NKAIN2: variants seen among roughly 807,000 people sequenced by gnomAD.
The protein encoded by NKAIN2 is sodium/potassium-transporting ATPase subunit beta-1-interacting protein 2.
Under a neutral mutation model 32.6 loss-of-function variants are expected in NKAIN2, and 14 were observed. The ratio of observed to expected loss-of-function variants is 0.43; its 90% confidence interval spans 0.28 to 0.67. The LOEUF is 0.67. NKAIN2 is among the 30% of genes least tolerant of loss of function. The probability of loss-of-function intolerance (pLI) is 0.17; values close to 1 mark genes in which losing one functional copy is unlikely to be tolerated. For missense variants in NKAIN2, 198 were observed against 258.3 expected (o/e 0.77, Z 1.60); for synonymous variants, 80 against 87.2 (o/e 0.92, Z 0.46).
At chr6:124,320,726 T>C (rs535301773) in intron 2 of NKAIN2, among the ~76,000 whole-genome samples, 5 of 152,356 alleles carry the variant, frequency 3.3e-5, no homozygotes, top group South Asian at 2.1e-4. Flanking sequence ...CCTTTTGATT[T>C]AAAATGTTTC....
chr6:124,732,615 A>G (rs867026313), intron 4 of NKAIN2, among the ~76,000 whole-genome samples: 2 of 152,054 alleles, frequency 1.3e-5, no homozygotes, highest in South Asian at 2.1e-4. Context: ...AATAACTCAA[A>G]TAAGTACAAA....
At chr6:124,371,197 A>G (rs1453791086) in intron 3 of NKAIN2, among the ~76,000 whole-genome samples, 1 of 152,168 alleles carries the variant, frequency 6.6e-6, no homozygotes, top group Non-Finnish European at 1.5e-5. Flanking sequence ...TAAAGCTAGA[A>G]GCATAGTTTT....
At chr6:124,113,204 A>G (rs1359643110) in intron 1 of NKAIN2, among the ~76,000 whole-genome samples, 3 of 152,048 alleles carry the variant, frequency 2.0e-5, no homozygotes, top group African/African-American at 4.8e-5. Context: ...GGTGGCCTCT[A>G]TCAACTCTTT....
chr6:123,941,247 G>T (rs1278755948), intron 1 of NKAIN2, among the ~76,000 whole-genome samples: 1 of 151,702 alleles, frequency 6.6e-6, no homozygotes, highest in Non-Finnish European at 1.5e-5. Context: ...CTTCCTGAAG[G>T]ACTGCTTGAT....
chr6:124,531,639 C>A (rs1482078677), intron 3 of NKAIN2, among the ~76,000 whole-genome samples: 2 of 152,212 alleles, frequency 1.3e-5, no homozygotes, highest in South Asian at 2.1e-4. Flanking sequence ...GGGAGATAGG[C>A]AGTGAATATT....
At chr6:124,729,309 A>G (rs1387142334) in intron 4 of NKAIN2, among the ~76,000 whole-genome samples, 3 of 150,280 alleles carry the variant, frequency 2.0e-5, no homozygotes, top group Non-Finnish European at 4.5e-5. Context: ...AAAATCCTCA[A>G]TAAAATACTG....
At chr6:124,105,710 A>G (rs1785085263) in intron 1 of NKAIN2, among the ~76,000 whole-genome samples, 1 of 152,204 alleles carries the variant, frequency 6.6e-6, no homozygotes, top group South Asian at 2.1e-4. Context: ...CAATTACATC[A>G]AGCATTATTT....
intron 2 of NKAIN2, among the ~76,000 whole-genome samples, chr6:124,310,660 C>T (rs1034076856): frequency 2.0e-5 from 3 of 152,012 alleles, no homozygotes; most frequent in Non-Finnish European, 2.9e-5. Flanking sequence ...AACTGAAAGC[C>T]GAAAGTAGCT....
At chr6:123,908,753 T>G (rs1436451557) in intron 1 of NKAIN2, among the ~76,000 whole-genome samples, 1 of 152,228 alleles carries the variant, frequency 6.6e-6, no homozygotes, top group East Asian at 1.9e-4. Context: ...GATTAGCGTT[T>G]TTAAATTTTT....
chr6:124,782,783 G>A (rs1345046627), intron 4 of NKAIN2, among the ~76,000 whole-genome samples: 1 of 151,996 alleles, frequency 6.6e-6, no homozygotes, highest in East Asian at 1.9e-4. Context: ...ACATTTTACA[G>A]AACATTTAAA....
intron 1 of NKAIN2, among the ~76,000 whole-genome samples, chr6:124,248,472 A>G (rs1241695092): frequency 6.6e-6 from 1 of 152,044 alleles, no homozygotes; most frequent in African/African-American, 2.4e-5. Context: ...TTGCTCATAT[A>G]CTTCAAAAGT....
chr6:123,808,377 T>C (rs978236370), intron 1 of NKAIN2, among the ~76,000 whole-genome samples: 2 of 152,220 alleles, frequency 1.3e-5, no homozygotes, highest in Admixed American at 6.5e-5. Flanking sequence ...AAACTTATCA[T>C]GTAAAAATAT....
At chr6:124,727,726 A>T (rs1264358269) in intron 4 of NKAIN2, among the ~76,000 whole-genome samples, 1 of 148,572 alleles carries the variant, frequency 6.7e-6, no homozygotes, top group Non-Finnish European at 1.5e-5. Flanking sequence ...TTAAATGTAA[A>T]TGGGCTAAAT....
At chr6:124,443,336 A>T (rs1775768030) in intron 3 of NKAIN2, among the ~76,000 whole-genome samples, 1 of 152,150 alleles carries the variant, frequency 6.6e-6, no homozygotes. Flanking sequence ...GTGTCCAGAC[A>T]ATCAGTTCCC....
intron 3 of NKAIN2, among the ~76,000 whole-genome samples, chr6:124,424,717 C>CA (rs1562176128): frequency 6.6e-6 from 1 of 151,574 alleles, no homozygotes; most frequent in Non-Finnish European, 1.5e-5. Context: ...ATGACCCCCC[C>CA]ACCAGGTTTA....
chr6:124,456,325 G>A (rs550745801), intron 3 of NKAIN2, among the ~76,000 whole-genome samples: 1 of 150,336 alleles, frequency 6.7e-6, no homozygotes, highest in South Asian at 2.1e-4. Context: ...AAAAAAAAAC[G>A]ACATACCTAA....
chr6:124,112,652 CT>C (rs1246364790), intron 1 of NKAIN2, among the ~76,000 whole-genome samples: 1 of 152,074 alleles, frequency 6.6e-6, no homozygotes, highest in African/African-American at 2.4e-5. Flanking sequence ...AATAAGTTTT[CT>C]GGTTGTTTTT....
At chr6:124,519,287 G>A (rs920827989) in intron 3 of NKAIN2, among the ~76,000 whole-genome samples, 15 of 152,156 alleles carry the variant, frequency 9.9e-5, no homozygotes, top group African/African-American at 3.4e-4. Context: ...TATTTTTGGT[G>A]GATAAACTAA....
At chr6:124,650,522 A>C (rs964214930) in intron 3 of NKAIN2, among the ~76,000 whole-genome samples, 2 of 152,206 alleles carry the variant, frequency 1.3e-5, no homozygotes, top group African/African-American at 2.4e-5. Context: ...TTTAGGCTGC[A>C]TCATAATATG....
Sources: allele counts gnomAD v4.1 joint callset (sites outside exome capture counted in the v4.1 genomes callset), GRCh38; gene constraint gnomAD v4.1.1; transcripts MANE v1.5; gene names NCBI Gene and HGNC (gene_info 2026-07-23, HGNC 2026-07-21).